Variants in FNBP1 observed in about 807,000 individuals in gnomAD.
FNBP1 encodes the protein formin-binding protein 1.
In FNBP1, 26 loss-of-function variants were observed where a neutral mutation model predicts 90.6. That is an observed-to-expected ratio of 0.29 (90% CI 0.21 to 0.40). FNBP1 has a LOEUF of 0.40. Among genes scored for constraint, FNBP1 ranks in the 10% least tolerant of loss-of-function variants. The pLI is 1.00. For synonymous variants in FNBP1, 260 were observed against 265.2 expected (o/e 0.98, Z 0.19); for missense variants, 635 against 768.0 (o/e 0.83, Z 2.05).
chr9:129,933,373 C>A (rs2043028096), intron 6 of FNBP1, among the ~76,000 whole-genome samples: 1 of 152,136 alleles, frequency 6.6e-6, no homozygotes, highest in Admixed American at 6.6e-5. Flanking sequence ...CACCCAGCAC[C>A]ATTTGGTTGG....
chr9:129,947,985 A>G (rs764583200), intron 6 of FNBP1, among the ~76,000 whole-genome samples: 1 of 124,454 alleles, frequency 8.0e-6, no homozygotes, highest in Non-Finnish European at 1.6e-5. Context: ...CCTTAAATTT[A>G]AAAAAAAAAA....
At chr9:130,032,335 T>G (rs967902915) in intron 1 of FNBP1, among the ~76,000 whole-genome samples, 3 of 151,968 alleles carry the variant, frequency 2.0e-5, no homozygotes, top group Middle Eastern at 3.2e-3. Context: ...TATGCCCAGG[T>G]AATTTTTTAA....
In FNBP1 at chr9:129,889,091, G is replaced by C. The variant is rs1035398495; in HGVS notation, c.*1448C>G. Reference sequence around the variant, plus strand: ...TGCTCTAAGGCGTGGCGGGGGGGGGGGGTGGTGGCCACAGATTAGGGGACC... The same window carrying C: ...TGCTCTAAGGCGTGGCGGGGGGGGGCGGTGGTGGCCACAGATTAGGGGACC... On this transcript the variant is annotated 3_prime_UTR_variant, in exon 17 of 17. Coordinates refer to ENST00000446176, the MANE Select transcript of FNBP1 (RefSeq NM_015033.3). 11 of 215,222 alleles carry C rather than the reference G, an allele frequency of 5.1e-5. No homozygotes were observed. Among genetic ancestry groups the C allele is most frequent in the South Asian group, 1.9e-4 (1 of 5,186 alleles). 13.3% of individuals were successfully genotyped at this position (215,222 alleles called of 1,614,324 possible).
At chr9:129,962,310 G>A (rs1179888844) in intron 4 of FNBP1, among the ~76,000 whole-genome samples, 1 of 152,144 alleles carries the variant, frequency 6.6e-6, no homozygotes, top group South Asian at 2.1e-4. Flanking sequence ...AACTCTATCC[G>A]CCACGTTGTA....
chr9:129,930,273 G>C (rs1404521657), intron 6 of FNBP1, among the ~76,000 whole-genome samples: 3 of 151,914 alleles, frequency 2.0e-5, no homozygotes, highest in African/African-American at 7.3e-5. Context: ...ACATTGCCCA[G>C]GCTATTCTTG....
intron 16 of FNBP1, among the ~76,000 whole-genome samples, chr9:129,893,813 G>A (rs1308061729): frequency 6.6e-6 from 1 of 151,138 alleles, no homozygotes; most frequent in Non-Finnish European, 1.5e-5. Context: ...CTACTTGGGA[G>A]GCTGAAGCAG....
chr9:130,033,794 C>A (rs2059026433), intron 1 of FNBP1, among the ~76,000 whole-genome samples: 1 of 143,766 alleles, frequency 7.0e-6, no homozygotes, highest in African/African-American at 2.6e-5. Flanking sequence ...AGAGTGAGAC[C>A]AGCCTGGCTA....
At chr9:129,915,709 C>G (rs1025489075) in intron 11 of FNBP1, among the ~76,000 whole-genome samples, 8 of 152,160 alleles carry the variant, frequency 5.3e-5, no homozygotes, top group Non-Finnish European at 8.8e-5. Context: ...GTCCTCCTCT[C>G]AAGGCCCCAG....
chr9:129,978,583 T>G lies in FNBP1; in HGVS notation c.227A>C (p.Asn76Thr), dbSNP rs762065602. 6.2e-7 allele frequency: 1 copy of G among 1,613,728 alleles called. No homozygotes were observed. The highest frequency in any genetic ancestry group is 1.3e-5 in the African/African-American group (1 of 74,890). The stretch of plus-strand genomic sequence containing the variant: ...TGCGTAATCATTCATTTCGTTCAGG[T>G]TGGAAATGAAAGCTTTACATGACGT... ...KYTSCKAFIS[N>T]LNEMNDYAGQ... The change falls in exon 4 of 17, where the codon AAC becomes ACC. Residue 76 changes from asparagine to threonine, a missense_variant. Transcript: ENST00000446176.
intron 11 of FNBP1, among the ~76,000 whole-genome samples, chr9:129,911,536 G>T (rs567379958): frequency 8.5e-5 from 13 of 152,330 alleles, no homozygotes; most frequent in Non-Finnish European, 1.3e-4. Context: ...TTCTTAGAGA[G>T]TGGCTGCCCG....
the FNBP1 span, among the ~76,000 whole-genome samples, chr9:130,049,571 G>C: frequency 6.6e-6 from 1 of 151,672 alleles, no homozygotes; most frequent in Non-Finnish European, 1.5e-5. Flanking sequence ...AAATTAGCCC[G>C]GCACGGTTGT....
At chr9:129,988,341 T>TGGGCA (rs2052611467) in intron 2 of FNBP1, among the ~76,000 whole-genome samples, 1 of 151,376 alleles carries the variant, frequency 6.6e-6, no homozygotes, top group African/African-American at 2.5e-5. Flanking sequence ...GAATAGATAG[T>TGGGCA]GACCTCAGGG....
intron 1 of FNBP1, among the ~76,000 whole-genome samples, chr9:130,011,148 G>A (rs546298237): frequency 1.7e-4 from 24 of 142,342 alleles, no homozygotes; most frequent in African/African-American, 5.8e-4. Flanking sequence ...CCCAGGAGGC[G>A]GAGCTTGCAG....
chr9:129,921,901 A>G (rs2041174129), intron 10 of FNBP1, among the ~76,000 whole-genome samples: 1 of 152,202 alleles, frequency 6.6e-6, no homozygotes, highest in South Asian at 2.1e-4. Context: ...AAAGGATGGC[A>G]TCCACCTCTG....
intron 1 of FNBP1, among the ~76,000 whole-genome samples, chr9:130,000,396 C>T (rs543284817): frequency 1.5e-4 from 23 of 152,072 alleles, no homozygotes; most frequent in African/African-American, 5.3e-4. Context: ...GAGGCTGAGG[C>T]AGGAGAATTG....
chr9:129,893,279 C>T (rs965947962), intron 16 of FNBP1, among the ~76,000 whole-genome samples: 1 of 151,848 alleles, frequency 6.6e-6, no homozygotes, highest in African/African-American at 2.4e-5. Context: ...GGATGGGTGG[C>T]TTTATTGATA....
chr9:129,892,366 GACAC>G (rs3138855), intron 16 of FNBP1, among the ~76,000 whole-genome samples: 6,735 of 103,356 alleles, frequency 0.065, 206 homozygotes, highest in Middle Eastern at 0.16. Flanking sequence ...GCACATCGTA[GACAC>G]ACACACACAC....
rs762709662 is a variant in FNBP1 at position 129,890,581 on chromosome 9, CTGTT to C, written c.1847-39_1847-36del. ...AAAGAGAAACAGAAAGAGAAACTCT[CTGTT>C]AGAGAGGAAGGCGCGGGTTCCAGGC... On this transcript the variant is annotated intron_variant, in intron 16 of 16. Transcript: ENST00000446176. This position sits in a 1 kb window ranked among gnomAD's most constrained non-coding sequence, Gnocchi z 5.8. 2.8e-5 allele frequency: 43 copies of C among 1,516,120 alleles called. No individual in the cohort carries two copies. Among genetic ancestry groups the C allele is most frequent in the Non-Finnish European group, 3.7e-5 (41 of 1,123,180 alleles). The allele number at this position is 1,516,120 out of a possible 1,614,324, so 93.9% of individuals were successfully genotyped here.
intron 2 of FNBP1, among the ~76,000 whole-genome samples, chr9:129,981,988 T>G (rs967835796): frequency 2.6e-5 from 4 of 152,230 alleles, no homozygotes; most frequent in African/African-American, 9.6e-5. Context: ...CTGCTGATAC[T>G]GAGGATACAT....
Sources: gnomAD v4.1 joint callset for allele counts (sites outside exome capture counted in the v4.1 genomes callset) on GRCh38, gnomAD v4.1.1 for gene constraint, Gnocchi (gnomAD v3.1) non-coding constraint, MANE v1.5 for transcripts, NCBI Gene and HGNC (gene_info 2026-07-23, HGNC 2026-07-21) for gene names.